HTR1F: variants seen among roughly 807,000 people sequenced by gnomAD.
HTR1F encodes 5-hydroxytryptamine receptor 1F.
In HTR1F, 17 loss-of-function variants were observed where a neutral mutation model predicts 24.0. The ratio of observed to expected loss-of-function variants is 0.71; its 90% CI spans 0.48 to 1.06. The LOEUF (loss-of-function observed/expected upper bound fraction) is 1.06. Among genes scored for constraint, HTR1F ranks in the 50% least tolerant of loss-of-function variants. The pLI is 0.00. For synonymous variants in HTR1F, 186 were observed against 156.8 expected (o/e 1.19, Z -1.39); for missense variants, 391 against 427.8 (o/e 0.91, Z 0.76).
At chr3:87,875,562 G>A (rs1358966003) in intron 2 of HTR1F, among the ~76,000 whole-genome samples, 1 of 152,058 alleles carries the variant, frequency 6.6e-6, no homozygotes, top group Non-Finnish European at 1.5e-5. Context: ...TTGATAAGGA[G>A]TTAATATCCA....
At chr3:87,797,791 T>G (rs1401850697) in intron 1 of HTR1F, among the ~76,000 whole-genome samples, 2 of 152,186 alleles carry the variant, frequency 1.3e-5, no homozygotes, top group African/African-American at 2.4e-5. Flanking sequence ...CCATGGAGAC[T>G]TGTTTTTAAA....
chr3:87,966,179 G>A (rs575724071), intron 2 of HTR1F, among the ~76,000 whole-genome samples: 1 of 152,270 alleles, frequency 6.6e-6, no homozygotes, highest in Non-Finnish European at 1.5e-5. Flanking sequence ...ACCTCAGGTA[G>A]TGGAAGAAGC....
At chr3:87,945,950 G>A (rs112005252) in intron 2 of HTR1F, among the ~76,000 whole-genome samples, 5,416 of 152,142 alleles carry the variant, frequency 0.036, 298 homozygotes, top group African/African-American at 0.12. Flanking sequence ...GCAAGCCTCG[G>A]GTTCTCTGAT....
Position 87,992,011 on chromosome 3 carries a change from A to T in HTR1F, c.*161A>T, listed in dbSNP as rs1705848226. On this transcript the variant is annotated 3_prime_UTR_variant, in exon 3 of 3. Transcript: ENST00000319595. ...ATTTTAATAGCAATGTGAATATAAA[A>T]GTTATTGATCACCACTATTCTAGGG... 1 of 554,878 alleles carries T rather than the reference A, an allele frequency of 1.8e-6. No individual in the cohort carries two copies. Among genetic ancestry groups the T allele is most frequent in the Non-Finnish European group, 3.1e-6 (1 of 325,190 alleles). The allele number at this position is 554,878 out of a possible 1,614,324, so 34.4% of individuals were successfully genotyped here.
At chr3:87,931,952 T>G (rs953391001) in intron 2 of HTR1F, among the ~76,000 whole-genome samples, 1 of 152,188 alleles carries the variant, frequency 6.6e-6, no homozygotes, top group African/African-American at 2.4e-5. Context: ...TAGCCCTTTG[T>G]CAGATGAGTG....
At chr3:87,961,690 G>A (rs556456451) in intron 2 of HTR1F, among the ~76,000 whole-genome samples, 2 of 151,672 alleles carry the variant, frequency 1.3e-5, no homozygotes, top group South Asian at 2.1e-4. Context: ...CTCACCCAGC[G>A]AGACAACTTC....
chr3:87,818,520 G>A (rs148315660), intron 1 of HTR1F, among the ~76,000 whole-genome samples: 38 of 152,276 alleles, frequency 2.5e-4, no homozygotes, highest in African/African-American at 7.5e-4. Context: ...GGCTCAAACC[G>A]AAATGTCATC....
intron 2 of HTR1F, among the ~76,000 whole-genome samples, chr3:87,909,525 C>G (rs574925621): frequency 6.6e-6 from 1 of 152,078 alleles, no homozygotes; most frequent in African/African-American, 2.4e-5. Flanking sequence ...ATTCTCTTTC[C>G]CTTTAGAAGC....
At chr3:87,903,147 T>C (rs988985905) in intron 2 of HTR1F, among the ~76,000 whole-genome samples, 2 of 152,058 alleles carry the variant, frequency 1.3e-5, no homozygotes, top group Non-Finnish European at 2.9e-5. Flanking sequence ...AAGACTTAAA[T>C]GTTAGACCTA....
At chr3:87,824,631 C>T (rs1704426364) in intron 2 of HTR1F, among the ~76,000 whole-genome samples, 1 of 152,162 alleles carries the variant, frequency 6.6e-6, no homozygotes, top group African/African-American at 2.4e-5. Context: ...ATATGAATCC[C>T]TGAATGAAAC....
chr3:87,806,537 C>T (rs1002541155), intron 1 of HTR1F, among the ~76,000 whole-genome samples: 2 of 151,824 alleles, frequency 1.3e-5, no homozygotes, highest in Admixed American at 6.6e-5. Context: ...TTGAGTTCAT[C>T]GTATATTCTA....
chr3:87,841,623 G>A (rs1374844043), intron 2 of HTR1F, among the ~76,000 whole-genome samples: 4 of 151,718 alleles, frequency 2.6e-5, no homozygotes, highest in African/African-American at 9.7e-5. Context: ...CATAGGGCTG[G>A]GTGCGGTGGC....
At chr3:87,906,859 CATT>C (rs1437219526) in intron 2 of HTR1F, among the ~76,000 whole-genome samples, 1 of 151,922 alleles carries the variant, frequency 6.6e-6, no homozygotes, top group Non-Finnish European at 1.5e-5. Flanking sequence ...CTGCAAATGC[CATT>C]ATTTTGTTAC....
At chr3:87,941,010 G>T (rs1343740541) in intron 2 of HTR1F, among the ~76,000 whole-genome samples, 2 of 152,168 alleles carry the variant, frequency 1.3e-5, no homozygotes, top group East Asian at 1.9e-4. Context: ...CCTTACTCAG[G>T]TAGGCCATGG....
At chr3:87,846,246 A>G (rs1305043558) in intron 2 of HTR1F, among the ~76,000 whole-genome samples, 2 of 152,020 alleles carry the variant, frequency 1.3e-5, no homozygotes, top group Non-Finnish European at 1.5e-5. Flanking sequence ...CAGCCTGGCC[A>G]ACATGGCAAA....
At chr3:87,879,696 G>T (rs1006109380) in intron 2 of HTR1F, among the ~76,000 whole-genome samples, 1 of 152,012 alleles carries the variant, frequency 6.6e-6, no homozygotes, top group African/African-American at 2.4e-5. Context: ...CTAATACATT[G>T]TAAAGTATCA....
intron 2 of HTR1F, among the ~76,000 whole-genome samples, chr3:87,950,665 T>A (rs545131169): frequency 6.6e-6 from 1 of 152,236 alleles, no homozygotes; most frequent in Admixed American, 6.5e-5. Flanking sequence ...GAATGGCAAG[T>A]CATCAGTGCA....
intron 1 of HTR1F, among the ~76,000 whole-genome samples, chr3:87,807,704 T>C (rs1408671513): frequency 6.6e-6 from 1 of 151,952 alleles, no homozygotes; most frequent in Non-Finnish European, 1.5e-5. Context: ...TTCTAGTTAT[T>C]AGGGGAAAGG....
At chr3:87,887,714 T>A (rs1474796602) in intron 2 of HTR1F, among the ~76,000 whole-genome samples, 2 of 151,774 alleles carry the variant, frequency 1.3e-5, no homozygotes, top group African/African-American at 4.8e-5. Context: ...AAAAGACACA[T>A]GAAATTGCTC....
Sources: gnomAD v4.1 joint callset for allele counts (sites outside exome capture counted in the v4.1 genomes callset) on GRCh38, gnomAD v4.1.1 for gene constraint, MANE v1.5 for transcripts, NCBI Gene and HGNC (gene_info 2026-07-23, HGNC 2026-07-21) for gene names.